The following ZEB1 variants were observed in gnomAD, a reference collection of about 807,000 sequenced individuals.
ZEB1 encodes the protein zinc finger E-box-binding homeobox 1.
ZEB1 carries 21 observed loss-of-function variants against 84.9 expected under a neutral mutation model. The ratio of observed to expected loss-of-function variants is 0.25; its 90% CI spans 0.18 to 0.36. ZEB1 has a LOEUF of 0.36. ZEB1 is among the 10% of genes least tolerant of loss of function. The probability of loss-of-function intolerance (pLI) is 1.00; values close to 1 mark genes in which losing one functional copy is unlikely to be tolerated. For synonymous variants in ZEB1, 420 were observed against 471.1 expected, an observed-to-expected ratio of 0.89 and a Z score of 1.41; for missense variants, 1,104 against 1,330.2, an observed-to-expected ratio of 0.83 and a Z score of 2.65.
At chr10:31,387,825 C>T (rs1316758575) in intron 1 of ZEB1, 1 of 921,912 alleles carries the variant, frequency 1.1e-6, no homozygotes, top group Middle Eastern at 5.5e-4. Flanking sequence ...TTTTTTATGT[C>T]AGATCTTAAT....
chr10:31,329,148 C>G (rs1471338512), intron 1 of ZEB1, among the ~76,000 whole-genome samples: 1 of 152,070 alleles, frequency 6.6e-6, no homozygotes, highest in African/African-American at 2.4e-5. Context: ...AACATTATTT[C>G]CATCATCCTA....
At chr10:31,363,735 G>A (rs1564598324) in intron 1 of ZEB1, 13 of 1,191,486 alleles carry the variant, frequency 1.1e-5, no homozygotes, top group South Asian at 2.6e-5. Flanking sequence ...GAGACAGCAC[G>A]GGTTTCTTCC....
chr10:31,489,924 G>T (rs1258301606), intron 2 of ZEB1, among the ~76,000 whole-genome samples: 4 of 151,292 alleles, frequency 2.6e-5, no homozygotes, highest in African/African-American at 7.3e-5. Context: ...TTTTATCTGA[G>T]AATGTCTTTA....
At position 31,522,554 on chromosome 10, in the gene ZEB1, A is replaced by G. The variant is rs1304232894; in HGVS notation, c.2604+618A>G. On this transcript the variant is annotated intron_variant, in intron 7 of 8. Coordinates refer to ENST00000424869, the MANE Select transcript of ZEB1 (RefSeq NM_001174096.2). ...TACATATGCATTTTCCTCCTTAACT[A>G]TCACAGTGTTTACCACAACAGTGTT... 4.6e-5 allele frequency among the ~76,000 whole-genome samples: 7 copies of G among 152,186 alleles called. No individual in the cohort carries two copies. The East Asian group carries it at 5.8e-4, about 13-fold the overall frequency.
Position 31,355,639 on chromosome 10 carries a change from A to T in ZEB1, c.58+36347A>T. ...TTGGGCTGAGATTGGAAGAATCAGC[A>T]TGAGTTAGCTTAAGCCTAGGAATTA... is the stretch of plus-strand genomic sequence containing the variant. On this transcript the variant is annotated intron_variant, in intron 1 of 8. Coordinates refer to ENST00000424869, the MANE Select transcript of ZEB1 (RefSeq NM_001174096.2). 1.3e-5 allele frequency among the ~76,000 whole-genome samples: 2 copies of T among 152,154 alleles called. 1 individual carries two copies. Among genetic ancestry groups the T allele is most frequent in the Non-Finnish European group, 2.9e-5 (2 of 68,014 alleles).
chr10:31,473,304 A>C (rs1326135508), intron 2 of ZEB1, among the ~76,000 whole-genome samples: 1 of 149,220 alleles, frequency 6.7e-6, no homozygotes, highest in Non-Finnish European at 1.5e-5. Flanking sequence ...GTATATCTAG[A>C]AAACCCCATT....
chr10:31,485,630 C>T (rs1398775781), intron 2 of ZEB1, among the ~76,000 whole-genome samples: 1 of 151,738 alleles, frequency 6.6e-6, no homozygotes, highest in African/African-American at 2.4e-5. Flanking sequence ...CACTCCTATT[C>T]TTCTGGATTT....
chr10:31,495,711 A>G, intron 2 of ZEB1, 65 bp from the exon 3 acceptor site: 1 of 1,575,576 alleles, frequency 6.3e-7, no homozygotes, highest in South Asian at 1.1e-5. Context: ...CAAAACTTTA[A>G]ACATTTGTCT....
chr10:31,362,932 C>T, intron 1 of ZEB1: 1 of 1,530,970 alleles, frequency 6.5e-7, no homozygotes. Flanking sequence ...CTGGAGGCGT[C>T]CTTCTCTTTG....
intron 1 of ZEB1, chr10:31,321,787 AAGATAC>A: frequency 1.9e-6 from 1 of 528,008 alleles, no homozygotes; most frequent in Admixed American, 3.2e-5. Flanking sequence ...GCGATCCTGA[AAGATAC>A]TTGAAATCAA....
At chr10:31,449,473 G>GT (rs34720811) in intron 1 of ZEB1, among the ~76,000 whole-genome samples, 1 of 151,862 alleles carries the variant, frequency 6.6e-6, no homozygotes, top group Non-Finnish European at 1.5e-5. Flanking sequence ...TATGGTTTCA[G>GT]TTTTTTTTCT....
At chr10:31,419,502 G>T (rs2135999582) in intron 1 of ZEB1, among the ~76,000 whole-genome samples, 1 of 152,262 alleles carries the variant, frequency 6.6e-6, no homozygotes, top group East Asian at 1.9e-4. Context: ...GAATGAGTGA[G>T]TATGGGGACA....
chr10:31,455,308 C>T (rs902212880), intron 1 of ZEB1, among the ~76,000 whole-genome samples: 1 of 152,080 alleles, frequency 6.6e-6, no homozygotes, highest in African/African-American at 2.4e-5. Flanking sequence ...ACCATGAAAA[C>T]CCTAGAAGAA....
chr10:31,486,270 A>T (rs1471033690), intron 2 of ZEB1, among the ~76,000 whole-genome samples: 1 of 151,688 alleles, frequency 6.6e-6, no homozygotes, highest in Non-Finnish European at 1.5e-5. Flanking sequence ...TTGCTGCATA[A>T]TATGTTGTAT....
At chr10:31,453,897 G>A (rs1036600069) in intron 1 of ZEB1, among the ~76,000 whole-genome samples, 5 of 151,996 alleles carry the variant, frequency 3.3e-5, no homozygotes, top group Admixed American at 2.0e-4. Flanking sequence ...GAATCCTCCC[G>A]AACTCATTTT....
chr10:31,321,361 G>C, intron 1 of ZEB1: 6 of 1,518,304 alleles, frequency 4.0e-6, no homozygotes, highest in Non-Finnish European at 4.4e-6. Context: ...TTTTAAAGAC[G>C]TCTGTTGATT....
At chr10:31,456,343 T>C (rs2061227798) in intron 1 of ZEB1, among the ~76,000 whole-genome samples, 1 of 152,084 alleles carries the variant, frequency 6.6e-6, no homozygotes, top group East Asian at 1.9e-4. Flanking sequence ...CACCAAGGCA[T>C]GTGTATACCT....
chr10:31,338,613 CTTTG>C (rs988636197), intron 1 of ZEB1, among the ~76,000 whole-genome samples: 4 of 152,222 alleles, frequency 2.6e-5, no homozygotes, highest in African/African-American at 9.6e-5. Context: ...ATATTATTCC[CTTTG>C]TTTGATCTGA....
intron 1 of ZEB1, among the ~76,000 whole-genome samples, chr10:31,390,986 T>C (rs1590746118): frequency 6.6e-6 from 1 of 152,158 alleles, no homozygotes; most frequent in East Asian, 1.9e-4. Flanking sequence ...AGACAGTCAT[T>C]GCACCACCTC....
Sources: allele counts gnomAD v4.1 joint callset (sites outside exome capture counted in the v4.1 genomes callset), GRCh38; gene constraint gnomAD v4.1.1; transcripts MANE v1.5; gene names NCBI Gene and HGNC (gene_info 2026-07-23, HGNC 2026-07-21).